ARHGAP10: variants seen among roughly 807,000 people sequenced by gnomAD.
ARHGAP10 encodes Rho GTPase activating protein 10.
ARHGAP10 carries 87 observed loss-of-function variants against 108.6 expected under a neutral mutation model. That is an observed-to-expected ratio of 0.80 (90% CI 0.67 to 0.96). The LOEUF is 0.96. Among genes scored for constraint, ARHGAP10 ranks in the 40% least tolerant of loss-of-function variants. ARHGAP10 has a pLI of 0.00. For synonymous variants in ARHGAP10, 347 were observed against 341.1 expected (o/e 1.02, Z -0.19); for missense variants, 939 against 954.5 (o/e 0.98, Z 0.21).
chr4:147,948,125 G>A (rs1293122797), intron 15 of ARHGAP10, among the ~76,000 whole-genome samples: 1 of 151,934 alleles, frequency 6.6e-6, no homozygotes, highest in Non-Finnish European at 1.5e-5. Flanking sequence ...GTATTTTTAA[G>A]TAGAGACAGG....
intron 3 of ARHGAP10, among the ~76,000 whole-genome samples, chr4:147,838,775 C>G (rs986288235): frequency 2.0e-5 from 3 of 152,148 alleles, no homozygotes; most frequent in African/African-American, 7.2e-5. Flanking sequence ...AACCACTGAT[C>G]TTATTCCTTT....
At chr4:148,015,526 G>A (rs1325038385) in intron 18 of ARHGAP10, among the ~76,000 whole-genome samples, 1 of 152,176 alleles carries the variant, frequency 6.6e-6, no homozygotes, top group Non-Finnish European at 1.5e-5. Flanking sequence ...GCCTGAACCC[G>A]ACTGGTATTT....
intron 1 of ARHGAP10, among the ~76,000 whole-genome samples, chr4:147,749,585 A>C (rs998254913): frequency 1.3e-5 from 2 of 152,240 alleles, no homozygotes; most frequent in Admixed American, 6.5e-5. Flanking sequence ...TTCTTGATTT[A>C]ATTTTAAATT....
At chr4:147,771,574 GTGT>G (rs777817411) in intron 1 of ARHGAP10, among the ~76,000 whole-genome samples, 51 of 152,118 alleles carry the variant, frequency 3.4e-4, no homozygotes, top group Non-Finnish European at 6.3e-4. Flanking sequence ...TTCAAGTGTT[GTGT>G]TGTTGTGAGG....
chr4:147,878,148 T>G (rs1374364429), intron 8 of ARHGAP10, among the ~76,000 whole-genome samples: 26 of 146,740 alleles, frequency 1.8e-4, no homozygotes, highest in African/African-American at 2.5e-4. Flanking sequence ...CAGGCTGGAG[T>G]GCAGTGGCGC....
At chr4:147,850,019 C>T (rs4835101) in intron 4 of ARHGAP10, among the ~76,000 whole-genome samples, 105,855 of 152,120 alleles carry the variant, frequency 0.7, 43,238 homozygotes, top group Non-Finnish European at 0.89. Flanking sequence ...CACCAATCAG[C>T]GCTCTGTATC....
chr4:147,767,934 T>G (rs531261090), intron 1 of ARHGAP10, among the ~76,000 whole-genome samples: 2 of 152,224 alleles, frequency 1.3e-5, no homozygotes, highest in Non-Finnish European at 2.9e-5. Flanking sequence ...GATATGAGAT[T>G]ATCAAATTAT....
intron 12 of ARHGAP10, among the ~76,000 whole-genome samples, chr4:147,911,565 T>A (rs1213035682): frequency 6.6e-6 from 1 of 152,184 alleles, no homozygotes; most frequent in Non-Finnish European, 1.5e-5. Flanking sequence ...GGTTTCACCG[T>A]GTTAGCCAGG....
chr4:147,741,101 C>T (rs1728639026), intron 1 of ARHGAP10, among the ~76,000 whole-genome samples: 2 of 151,900 alleles, frequency 1.3e-5, no homozygotes, highest in Admixed American at 1.3e-4. Context: ...ACCTTTTTTT[C>T]CTACAAGTGA....
intron 1 of ARHGAP10, among the ~76,000 whole-genome samples, chr4:147,816,440 C>T (rs1176348888): frequency 1.3e-5 from 2 of 152,192 alleles, no homozygotes; most frequent in African/African-American, 2.4e-5. Flanking sequence ...ATAAATTTGT[C>T]ACTTCAAGTC....
chr4:147,764,842 C>T (rs1560745485), intron 1 of ARHGAP10, among the ~76,000 whole-genome samples: 1 of 152,124 alleles, frequency 6.6e-6, no homozygotes, highest in Non-Finnish European at 1.5e-5. Context: ...GCCCAGTAAA[C>T]ATTTATTAAG....
At chr4:147,936,485 T>C (rs1046835559) in intron 13 of ARHGAP10, among the ~76,000 whole-genome samples, 10 of 151,504 alleles carry the variant, frequency 6.6e-5, no homozygotes, top group Admixed American at 1.3e-4. Context: ...CCCGCCACCG[T>C]GCCCGGCTAA....
intron 1 of ARHGAP10, among the ~76,000 whole-genome samples, chr4:147,802,163 T>C (rs1462529853): frequency 6.6e-6 from 1 of 152,242 alleles, no homozygotes; most frequent in African/African-American, 2.4e-5. Context: ...GCTTCTACTT[T>C]TGTTTTTCCT....
At position 147,745,674 on chromosome 4, in the gene ARHGAP10, G is replaced by A. The variant is rs566844242; in HGVS notation, c.154+13219G>A. Among the ~76,000 whole-genome samples the A allele has an allele frequency of 4.6e-5, 7 of 151,984 alleles. No individual in the cohort carries two copies. The South Asian group carries it at 1.2e-3, about 27-fold the overall frequency. On this transcript the variant is annotated intron_variant, in intron 1 of 22. Transcript: ENST00000336498. ...GCCCTGCTAATTTTTTGTATTTTTA[G>A]TAGAGACGGGGTTTCACCGTGTTAG...
chr4:147,829,465 A>G (rs977699728), intron 3 of ARHGAP10, among the ~76,000 whole-genome samples: 5 of 152,150 alleles, frequency 3.3e-5, no homozygotes, highest in African/African-American at 1.2e-4. Flanking sequence ...CTGGGATTAC[A>G]GATGTGAGCC....
intron 4 of ARHGAP10, among the ~76,000 whole-genome samples, chr4:147,847,463 A>G (rs1229687649): frequency 6.6e-6 from 1 of 152,248 alleles, no homozygotes; most frequent in Non-Finnish European, 1.5e-5. Context: ...AGAGTTTTAA[A>G]AATACCTGTA....
intron 3 of ARHGAP10, among the ~76,000 whole-genome samples, chr4:147,826,993 A>G (rs756999353): frequency 6.6e-6 from 1 of 152,056 alleles, no homozygotes; most frequent in African/African-American, 2.4e-5. Flanking sequence ...TCTTCTCCCC[A>G]TCCGCTTTTT....
intron 4 of ARHGAP10, among the ~76,000 whole-genome samples, chr4:147,847,516 G>A (rs1282226742): frequency 6.6e-6 from 1 of 152,182 alleles, no homozygotes; most frequent in East Asian, 1.9e-4. Flanking sequence ...GCTTATTACT[G>A]GGGGGAGTGT....
At chr4:147,935,833 T>C (rs1737908488) in intron 13 of ARHGAP10, among the ~76,000 whole-genome samples, 1 of 152,260 alleles carries the variant, frequency 6.6e-6, no homozygotes, top group African/African-American at 2.4e-5. Context: ...GCAAGGTTTA[T>C]TTAAATTTCA....
Sources: gnomAD v4.1 joint callset for allele counts (sites outside exome capture counted in the v4.1 genomes callset) on GRCh38, gnomAD v4.1.1 for gene constraint, MANE v1.5 for transcripts, NCBI Gene and HGNC (gene_info 2026-07-23, HGNC 2026-07-21) for gene names.